The following LIFR variants were observed in gnomAD, a reference collection of about 807,000 sequenced individuals.
LIFR encodes LIF receptor subunit alpha.
A neutral mutation model predicts 122.2 loss-of-function variants in LIFR; 84 were observed. That is an observed-to-expected ratio of 0.69 (90% confidence interval 0.58 to 0.82). The LOEUF (loss-of-function observed/expected upper bound fraction) is 0.82, where lower values mean the gene tolerates loss of function less well. LIFR is among the 40% of genes least tolerant of loss of function. The probability of loss-of-function intolerance (pLI) is 0.00; values close to 1 mark genes in which losing one functional copy is unlikely to be tolerated. For missense variants in LIFR, 1,294 were observed against 1,311.6 expected, an observed-to-expected ratio of 0.99 and a Z score of 0.21; for synonymous variants, 422 against 434.7, an observed-to-expected ratio of 0.97 and a Z score of 0.36.
At chr5:38,525,516 T>C (rs2112552698) in intron 4 of LIFR, among the ~76,000 whole-genome samples, 1 of 152,286 alleles carries the variant, frequency 6.6e-6, no homozygotes, top group African/African-American at 2.4e-5. Flanking sequence ...TAGGTTTAAC[T>C]AAAATTTGGC....
intron 1 of LIFR, among the ~76,000 whole-genome samples, chr5:38,575,376 C>T (rs900377911): frequency 6.6e-6 from 1 of 152,134 alleles, no homozygotes; most frequent in East Asian, 1.9e-4. Flanking sequence ...GATATATGCA[C>T]TTATATTTAT....
chr5:38,493,195 C>T (rs1338670650), intron 14 of LIFR, among the ~76,000 whole-genome samples: 2 of 152,014 alleles, frequency 1.3e-5, no homozygotes, highest in East Asian at 1.9e-4. Context: ...TGTGTGAGAC[C>T]AGGCTACAGT....
At chr5:38,567,088 C>G (rs1749049999) in intron 1 of LIFR, among the ~76,000 whole-genome samples, 1 of 152,170 alleles carries the variant, frequency 6.6e-6, no homozygotes, top group South Asian at 2.1e-4. Flanking sequence ...TCAAGCCAGA[C>G]CAGCTCCTTA....
chr5:38,537,872 C>T (rs554137687), intron 1 of LIFR, among the ~76,000 whole-genome samples: 2 of 152,260 alleles, frequency 1.3e-5, no homozygotes, highest in South Asian at 2.1e-4. Context: ...AACTCTGTTA[C>T]ATACATAGCA....
At chr5:38,591,074 G>T (rs1311838520) in intron 1 of LIFR, among the ~76,000 whole-genome samples, 1 of 152,340 alleles carries the variant, frequency 6.6e-6, no homozygotes, top group Middle Eastern at 3.4e-3. Flanking sequence ...CACTGTAATA[G>T]TATCTGTCCA....
intron 1 of LIFR, among the ~76,000 whole-genome samples, chr5:38,549,836 G>A (rs1408459600): frequency 1.3e-5 from 2 of 152,260 alleles, no homozygotes; most frequent in Non-Finnish European, 1.5e-5. Context: ...CAAATTAGAG[G>A]AGGGTTTTTT....
chr5:38,527,453 G>A (rs545269996), intron 3 of LIFR, among the ~76,000 whole-genome samples, 159 bp from the exon 4 acceptor site: 4 of 152,296 alleles, frequency 2.6e-5, no homozygotes, highest in Admixed American at 6.5e-5. Context: ...AAAACAGATT[G>A]ATAGTAACTT....
Position 38,527,313 on chromosome 5 carries a change from T to G in LIFR, c.258-19A>C. ...ACGGGACCTGTAATAAGAAATTGAA[T>G]TTTAATTAGCAAATAAAATTAATAG... is the stretch of plus-strand genomic sequence containing the variant. On this transcript the variant is annotated intron_variant, in intron 3 of 19. Transcript: ENST00000453190. 6.8e-7 allele frequency: 1 copy of G among 1,478,300 alleles called. No homozygotes were observed. Among genetic ancestry groups the G allele is most frequent in the Non-Finnish European group, 9.4e-7 (1 of 1,061,196 alleles). 91.6% of individuals were successfully genotyped at this position (1,478,300 alleles called of 1,614,324 possible).
At chr5:38,540,762 T>G (rs116644049) in intron 1 of LIFR, among the ~76,000 whole-genome samples, 2,894 of 139,936 alleles carry the variant, frequency 0.021, 50 homozygotes, top group Non-Finnish European at 0.031. Flanking sequence ...TTTTAAATGC[T>G]GGCAATTAAT....
intron 9 of LIFR, among the ~76,000 whole-genome samples, chr5:38,504,772 A>G (rs574143547): frequency 6.6e-6 from 1 of 152,340 alleles, no homozygotes; most frequent in East Asian, 1.9e-4. Context: ...ACTACCATGC[A>G]AGGATAAAAT....
At position 38,481,253 on chromosome 5, in the gene LIFR, C is replaced by A; in HGVS notation, c.*342G>T. The A allele has an allele frequency of 2.7e-6, 1 of 377,308 alleles. No individual in the cohort carries two copies. Among genetic ancestry groups the A allele is most frequent in the Admixed American group, 4.3e-5 (1 of 23,298 alleles). 23.4% of individuals were successfully genotyped at this position (377,308 alleles called of 1,614,324 possible). A position where few individuals can be genotyped will look rare whatever the true frequency, so the allele number is the denominator to read the frequency against. The stretch of plus-strand genomic sequence containing the variant: ...ATACACATGAGAAAACCACAAACAA[C>A]AGAACAGAAAACAGTTGCGGCGGGA... On this transcript the variant is annotated 3_prime_UTR_variant, in exon 20 of 20. Coordinates refer to ENST00000453190, the MANE Select transcript of LIFR (RefSeq NM_001127671.2).
rs1743978459 is a variant in LIFR, at chr5:38,481,452, C to T, written c.*143G>A. On this transcript the variant is annotated 3_prime_UTR_variant, in exon 20 of 20. Transcript: ENST00000453190. ...AGACTACATTAAAAGCACATGAACA[C>T]TTTCAGTGTAACTTAACATGTAGTG... The T allele has an allele frequency of 4.3e-6, 4 of 932,876 alleles. No individual in the cohort carries two copies. The South Asian group carries it at 5.6e-5, about 13-fold the overall frequency. 57.8% of individuals were successfully genotyped at this position (932,876 alleles called of 1,614,324 possible).
At chr5:38,606,508 G>A (rs1750332199) in intron 1 of LIFR, among the ~76,000 whole-genome samples, 1 of 152,032 alleles carries the variant, frequency 6.6e-6, no homozygotes, top group African/African-American at 2.4e-5. Flanking sequence ...ATTTGGATGG[G>A]GTCAAATATT....
chr5:38,564,395 T>A (rs1252977236), intron 1 of LIFR, among the ~76,000 whole-genome samples: 1 of 140,310 alleles, frequency 7.1e-6, no homozygotes, highest in Admixed American at 7.3e-5. Context: ...TAATTTTATT[T>A]TTTGTAGAGA....
intron 1 of LIFR, among the ~76,000 whole-genome samples, chr5:38,590,442 C>T (rs904024795): frequency 6.6e-6 from 1 of 152,158 alleles, no homozygotes. Flanking sequence ...TTTGACACTG[C>T]CTCTGTTGTC....
In LIFR at chr5:38,475,962, T is replaced by C. The variant is rs1743703273; in HGVS notation, c.*5633A>G. The stretch of plus-strand genomic sequence containing the variant: ...AAAGCCGTGCTCTTTTTTGAGAAAA[T>C]AACAGGATAAAACAAACGCCAGGAA... On this transcript the variant is annotated 3_prime_UTR_variant, in exon 20 of 20. Transcript: ENST00000453190. The C allele has an allele frequency of 5.1e-6, 1 of 197,818 alleles. No individual in the cohort carries two copies. Among genetic ancestry groups the C allele is most frequent in the Non-Finnish European group, 1.0e-5 (1 of 95,380 alleles). The allele number at this position is 197,818 out of a possible 1,614,324, so 12.3% of individuals were successfully genotyped here.
At chr5:38,518,109 A>G (rs924849222) in intron 5 of LIFR, among the ~76,000 whole-genome samples, 3 of 151,754 alleles carry the variant, frequency 2.0e-5, no homozygotes, top group Non-Finnish European at 4.4e-5. Context: ...GCAGAACCCT[A>G]TCTCTAAAAA....
In LIFR at chr5:38,510,609, A is replaced by C. The variant is rs1424621519; in HGVS notation, c.846T>G (p.Ile282Met). 5.0e-6 allele frequency: 8 copies of C among 1,613,992 alleles called. No homozygotes were observed. The African/African-American group carries it at 9.3e-5, about 19-fold the overall frequency. The stretch of plus-strand genomic sequence containing the variant: ...GGATCAAGGGGCAGTTTGTATGGCC[A>C]ATCAGTGCTGATAACACTTTTTCTT... ...VSQEKVLSAL[I>M]GHTNCPLIHL... Residue 282 changes from isoleucine (I) to methionine (M), a missense_variant, in exon 7 of 20, where the codon ATT becomes ATG. By Grantham distance (10) the Ile-to-Met change is conservative (BLOSUM62 1). Transcript: ENST00000453190.
intron 1 of LIFR, among the ~76,000 whole-genome samples, chr5:38,583,115 A>C (rs1332416799): frequency 1.3e-5 from 2 of 152,228 alleles, no homozygotes; most frequent in African/African-American, 4.8e-5. Context: ...CACATACGTA[A>C]CGTGTTCAAT....
Sources: gnomAD v4.1 joint callset for allele counts (sites outside exome capture counted in the v4.1 genomes callset) on GRCh38, gnomAD v4.1.1 for gene constraint, MANE v1.5 for transcripts, NCBI Gene and HGNC (gene_info 2026-07-23, HGNC 2026-07-21) for gene names.